Variants in TRPM8 observed in about 807,000 individuals in gnomAD.
TRPM8 encodes TRPM8 cationic channel.
In TRPM8, 110 loss-of-function variants were observed where a neutral mutation model predicts 133.7. The observed-to-expected ratio is 0.82, with a 90% CI of 0.70 to 0.96. TRPM8 has a LOEUF of 0.96. Ranked by LOEUF, TRPM8 falls within the 40% of genes least tolerant of loss-of-function variation. The probability of loss-of-function intolerance (pLI) is 0.00; values close to 1 mark genes in which losing one functional copy is unlikely to be tolerated. For synonymous variants in TRPM8, 535 were observed against 532.3 expected (o/e 1.01, Z -0.07); for missense variants, 1,291 against 1,379.5 (o/e 0.94, Z 1.02).
At chr2:233,944,194 C>T (rs946879200) in intron 6 of TRPM8, among the ~76,000 whole-genome samples, 1 of 152,038 alleles carries the variant, frequency 6.6e-6, no homozygotes, top group Admixed American at 6.6e-5. Context: ...TTACTAGATG[C>T]CCAACAGGAG....
intron 6 of TRPM8, among the ~76,000 whole-genome samples, chr2:233,944,933 T>A (rs1351082105): frequency 6.6e-6 from 1 of 152,132 alleles, no homozygotes; most frequent in Non-Finnish European, 1.5e-5. Context: ...ACGAGAAAAG[T>A]GAGGCATACA....
chr2:233,926,873 AT>A (rs1182837106), intron 2 of TRPM8, among the ~76,000 whole-genome samples: 1 of 151,886 alleles, frequency 6.6e-6, no homozygotes, highest in Non-Finnish European at 1.5e-5. Context: ...GTCCATCTGC[AT>A]TTGTTCTTGT....
Position 233,930,701 on chromosome 2 carries a change from A to C in TRPM8, c.151A>C (p.Lys51Gln). ...GAATTTTATTCAAGCAAATTTTAAG[A>C]AACGAGAATGTGTCTTCTTTACCAA... ...LVNFIQANFK[K>Q]RECVFFTKDS... Residue 51 changes from lysine (K) to glutamine (Q), a missense_variant, in exon 3 of 26, where the codon AAA becomes CAA. This residue lies in a region of TRPM8 where 963 missense variants were observed against 968.9 expected (regional missense o/e 0.99). Coordinates refer to ENST00000324695, the MANE Select transcript of TRPM8 (RefSeq NM_024080.5). 1 of 1,609,878 alleles carries C rather than the reference A, an allele frequency of 6.2e-7. No homozygotes were observed. Among genetic ancestry groups the C allele is most frequent in the South Asian group, 1.1e-5 (1 of 90,578 alleles).
At chr2:233,939,434 T>G (rs1250397752) in intron 5 of TRPM8, among the ~76,000 whole-genome samples, 1 of 152,192 alleles carries the variant, frequency 6.6e-6, no homozygotes, top group Non-Finnish European at 1.5e-5. Flanking sequence ...TCTTGTAAGA[T>G]TTTCATTTTG....
intron 22 of TRPM8, among the ~76,000 whole-genome samples, chr2:234,005,235 A>G (rs1388114703): frequency 1.3e-5 from 2 of 151,690 alleles, no homozygotes; most frequent in Non-Finnish European, 2.9e-5. Flanking sequence ...GCCCCCTCGT[A>G]TGGGAGACCT....
At chr2:233,999,938 A>G (rs970865616) in intron 22 of TRPM8, among the ~76,000 whole-genome samples, 1 of 151,976 alleles carries the variant, frequency 6.6e-6, no homozygotes, top group Non-Finnish European at 1.5e-5. Flanking sequence ...TCTTTAGCAT[A>G]CTCTGCACTT....
chr2:234,000,086 G>GATTGATTTATTT (rs10659716), intron 22 of TRPM8, among the ~76,000 whole-genome samples: 45 of 144,266 alleles, frequency 3.1e-4, no homozygotes, highest in African/African-American at 1.0e-3. Context: ...CAATGTGGAT[G>GATTGATTTATTT]ATTTATTTAT....
chr2:233,946,915 G>A lies in TRPM8; in HGVS notation c.875-173G>A, dbSNP rs561557264. ...CATGTCATGCTATTACTAGTGTGGA[G>A]CAAAAAGACTCATCCGTCTTTAATG... On this transcript the variant is annotated intron_variant, in intron 7 of 25. Transcript: ENST00000324695. Among the ~76,000 whole-genome samples, 17 of 152,324 alleles carry A rather than the reference G, an allele frequency of 1.1e-4. No homozygotes were observed. The East Asian group carries it at 1.7e-3, about 16-fold the overall frequency.
chr2:233,985,915 A>C (rs1213895832), intron 21 of TRPM8, 50 bp downstream of exon 21: 1 of 1,542,912 alleles, frequency 6.5e-7, no homozygotes, highest in Non-Finnish European at 8.8e-7. Context: ...GCCAAGCCCC[A>C]TGCCAGGCTG....
chr2:233,988,228 G>C (rs1180348707), intron 21 of TRPM8, among the ~76,000 whole-genome samples: 3 of 151,904 alleles, frequency 2.0e-5, no homozygotes, highest in Non-Finnish European at 4.4e-5. Context: ...GCACATACTT[G>C]TCCTCTGTCT....
intron 9 of TRPM8, among the ~76,000 whole-genome samples, chr2:233,953,151 C>G (rs889569416): frequency 1.3e-5 from 2 of 152,216 alleles, no homozygotes; most frequent in African/African-American, 4.8e-5. Context: ...GCCTCAAAAG[C>G]TCACCTTCTA....
intron 1 of TRPM8, among the ~76,000 whole-genome samples, chr2:233,925,354 C>T (rs1396132185): frequency 6.6e-6 from 1 of 152,174 alleles, no homozygotes; most frequent in African/African-American, 2.4e-5. Flanking sequence ...AATCATGATG[C>T]CCACAGCTTG....
At chr2:234,012,476 A>T (rs10196968) in intron 24 of TRPM8, among the ~76,000 whole-genome samples, 97,430 of 146,190 alleles carry the variant, frequency 0.67, 31,942 homozygotes, top group African/African-American at 0.78. Flanking sequence ...TGTGTGTGAG[A>T]GTGTGTGTGT....
At chr2:233,949,540 A>G (rs1297252146) in intron 8 of TRPM8, among the ~76,000 whole-genome samples, 1 of 152,270 alleles carries the variant, frequency 6.6e-6, no homozygotes, top group Admixed American at 6.5e-5. Flanking sequence ...ACACCTCAAA[A>G]GTATGAGTAT....
chr2:233,950,709 G>A (rs988606427), intron 9 of TRPM8, among the ~76,000 whole-genome samples: 2 of 152,226 alleles, frequency 1.3e-5, no homozygotes, highest in African/African-American at 4.8e-5. Flanking sequence ...GAGAGGGCTG[G>A]CTGGGCAAGG....
At chr2:234,014,504 A>T in intron 24 of TRPM8, 58 bp from the exon 25 acceptor site, 1 of 1,125,094 alleles carries the variant, frequency 8.9e-7, no homozygotes, top group Non-Finnish European at 1.3e-6. Context: ...GCGATAATTT[A>T]AAAATGAAAG....
At chr2:233,966,539 G>C in intron 14 of TRPM8, 71 bp from the exon 15 acceptor site, 5 of 1,592,636 alleles carry the variant, frequency 3.1e-6, no homozygotes, top group Non-Finnish European at 4.3e-6. Context: ...GTTGGCTGGG[G>C]GTGGAAGCAG....
chr2:233,990,569 C>T (rs1411135963), intron 21 of TRPM8, among the ~76,000 whole-genome samples: 1 of 152,196 alleles, frequency 6.6e-6, no homozygotes, highest in Admixed American at 6.5e-5. Context: ...TAAATCTCCA[C>T]CTGGGGGTGT....
intron 3 of TRPM8, 105 bp downstream of exon 3, chr2:233,930,846 C>T (rs1003204167): frequency 5.8e-5 from 41 of 710,622 alleles, no homozygotes; most frequent in South Asian, 4.5e-4. Context: ...AAGATGTCTT[C>T]GTCTTATAAT....
Sources: allele counts gnomAD v4.1 joint callset (sites outside exome capture counted in the v4.1 genomes callset), GRCh38; gene constraint gnomAD v4.1.1; regional missense constraint gnomAD v4.1.1; transcripts MANE v1.5; gene names NCBI Gene and HGNC (gene_info 2026-07-23, HGNC 2026-07-21).